The following LOC400499 variants were observed in gnomAD, a reference collection of about 807,000 sequenced individuals.
At chr16:11,451,947 C>G in the LOC400499 span, among the ~76,000 whole-genome samples, 2,009 of 152,258 alleles carry the variant, frequency 0.013, 55 homozygotes, top group African/African-American at 0.047. Context: ...CACAGAAGAA[C>G]AGAAGGAACG....
the LOC400499 span, among the ~76,000 whole-genome samples, chr16:11,457,525 A>G: frequency 6.6e-6 from 1 of 150,922 alleles, no homozygotes; most frequent in Non-Finnish European, 1.5e-5. Flanking sequence ...TTCAGGAGGC[A>G]GAGCTTGCAG....
chr16:11,483,630 C>A, the LOC400499 span, among the ~76,000 whole-genome samples: 1 of 151,522 alleles, frequency 6.6e-6, no homozygotes, highest in Non-Finnish European at 1.5e-5. Context: ...CTTTGAGAGG[C>A]CAAGGCAGGA....
chr16:11,383,520 C>G, the LOC400499 span: 6 of 1,091,696 alleles, frequency 5.5e-6, no homozygotes, highest in Non-Finnish European at 7.0e-6. Flanking sequence ...AATGTTGTGA[C>G]TCTTAGCTCC....
the LOC400499 span, among the ~76,000 whole-genome samples, chr16:11,446,280 G>C: frequency 6.6e-6 from 1 of 152,106 alleles, no homozygotes; most frequent in South Asian, 2.1e-4. Context: ...CTCCCCAGTA[G>C]CTGGGACTAC....
At chr16:11,446,726 G>T in the LOC400499 span, 1 of 1,534,134 alleles carries the variant, frequency 6.5e-7, no homozygotes, top group Non-Finnish European at 8.7e-7. Context: ...CCCCTTCCGG[G>T]CTATGCCCCA....
chr16:11,386,727 T>C, the LOC400499 span, among the ~76,000 whole-genome samples: 1 of 152,142 alleles, frequency 6.6e-6, no homozygotes, highest in Admixed American at 6.5e-5. Context: ...AGGTTAGACT[T>C]GACTTGCCTG....
chr16:11,443,386 G>C, the LOC400499 span: 1 of 427,218 alleles, frequency 2.3e-6, no homozygotes, highest in East Asian at 7.5e-5. Context: ...GCATGAACCT[G>C]GGACGTGGAG....
the LOC400499 span, among the ~76,000 whole-genome samples, chr16:11,404,125 C>A: frequency 6.6e-6 from 1 of 152,212 alleles, no homozygotes; most frequent in African/African-American, 2.4e-5. Flanking sequence ...GTCACCTCCT[C>A]CAAGAGGCCT....
chr16:11,500,533 A>C, the LOC400499 span, among the ~76,000 whole-genome samples: 1 of 150,668 alleles, frequency 6.6e-6, no homozygotes, highest in Non-Finnish European at 1.5e-5. Context: ...TAATAATAAT[A>C]ATAATCAGAA....
the LOC400499 span, chr16:11,399,824 G>A: frequency 5.0e-6 from 2 of 398,818 alleles, no homozygotes; most frequent in African/African-American, 4.1e-5. Context: ...ACCTGCATTG[G>A]GATGGGAGGG....
the LOC400499 span, among the ~76,000 whole-genome samples, chr16:11,466,404 T>C: frequency 1.3e-5 from 2 of 152,150 alleles, no homozygotes; most frequent in Admixed American, 1.3e-4. Context: ...TTTTTTTTTT[T>C]TGAGATGGAG....
chr16:11,403,366 C>T, the LOC400499 span, among the ~76,000 whole-genome samples: 2 of 152,202 alleles, frequency 1.3e-5, no homozygotes, highest in Admixed American at 6.5e-5. Context: ...CTGTCAACAC[C>T]GTGTGGGGCT....
the LOC400499 span, chr16:11,383,524 T>G: frequency 9.0e-7 from 1 of 1,110,208 alleles, no homozygotes; most frequent in Non-Finnish European, 1.1e-6. Flanking sequence ...TTGTGACTCT[T>G]AGCTCCTTGA....
the LOC400499 span, among the ~76,000 whole-genome samples, chr16:11,443,939 A>C: frequency 6.7e-6 from 1 of 149,942 alleles, no homozygotes; most frequent in Non-Finnish European, 1.5e-5. Context: ...GTTTCAAGTG[A>C]CTCTTGTGCC....
the LOC400499 span, among the ~76,000 whole-genome samples, chr16:11,395,070 T>A: frequency 6.6e-6 from 1 of 152,188 alleles, no homozygotes; most frequent in Non-Finnish European, 1.5e-5. Flanking sequence ...CCAAGCACAA[T>A]GTGATCTTGC....
At chr16:11,480,060 C>A in the LOC400499 span, among the ~76,000 whole-genome samples, 11 of 152,296 alleles carry the variant, frequency 7.2e-5, no homozygotes, top group South Asian at 2.1e-4. Context: ...CAACAAGGAA[C>A]CAGAGCTGAG....
At chr16:11,486,224 G>T in the LOC400499 span, among the ~76,000 whole-genome samples, 1 of 142,050 alleles carries the variant, frequency 7.0e-6, no homozygotes, top group Non-Finnish European at 1.5e-5. Flanking sequence ...ATGGGTGGGT[G>T]GGTGTGTGGT....
chr16:11,391,672 G>C, the LOC400499 span: 3 of 1,232,006 alleles, frequency 2.4e-6, no homozygotes, highest in Non-Finnish European at 3.0e-6. Context: ...TTACATTCCA[G>C]CTCCTCCCGC....
the LOC400499 span, among the ~76,000 whole-genome samples, chr16:11,490,688 GAGACTCCGTCTCAAA>G: frequency 6.6e-6 from 1 of 152,180 alleles, no homozygotes; most frequent in Non-Finnish European, 1.5e-5. Flanking sequence ...GTGACAGAGC[GAGACTCCGTCTCAAA>G]AAACAAAACA....
Sources: allele counts gnomAD v4.1 joint callset (sites outside exome capture counted in the v4.1 genomes callset), GRCh38; gene constraint gnomAD v4.1.1; transcripts MANE v1.5.